The following SLC26A9 variants were observed in gnomAD, a reference collection of about 807,000 sequenced individuals.
The protein encoded by SLC26A9 is anion transporter/exchanger protein 9.
Under a neutral mutation model 87.1 loss-of-function variants are expected in SLC26A9, and 46 were observed. The observed-to-expected ratio is 0.53, with a 90% CI of 0.42 to 0.67. The LOEUF is 0.67. SLC26A9 is among the 30% of genes least tolerant of loss of function. The pLI is 0.00. For missense variants in SLC26A9, 927 were observed against 1,018.3 expected (o/e 0.91, Z 1.22); for synonymous variants, 437 against 409.1 (o/e 1.07, Z -0.82).
In SLC26A9 at chr1:205,928,009, C is replaced by T. The variant is rs1463688063; in HGVS notation, c.994G>A (p.Asp332Asn). The T allele has an allele frequency of 1.2e-6, 2 of 1,614,136 alleles. No individual in the cohort carries two copies. Among genetic ancestry groups the T allele is most frequent in the African/African-American group, 1.3e-5 (1 of 75,068 alleles). Residue 332 changes from aspartate (D) to asparagine (N), a missense_variant, in exon 9 of 21, where the codon GAC becomes AAC. Coordinates refer to ENST00000367135, the MANE Select transcript of SLC26A9 (RefSeq NM_052934.4). ...AGGGAGAAGGCTGTGCCTATCATGT[C>T]CTTCCACTGTGAGACCACAGGCGAC... ...PVSPVVSQWK[D>N]MIGTAFSLAI...
chr1:205,939,467 C>T (rs1428531139), intron 1 of SLC26A9, among the ~76,000 whole-genome samples: 2 of 152,154 alleles, frequency 1.3e-5, no homozygotes, highest in Non-Finnish European at 2.9e-5. Flanking sequence ...GCCAGAGTTG[C>T]AAATCTGCAG....
Position 205,929,925 on chromosome 1 carries a change from GA to G in SLC26A9, c.683del (p.Ile228ThrfsTer42). On this transcript the variant is annotated frameshift_variant, in exon 6 of 21. Transcript: ENST00000367135. LOFTEE classifies it high-confidence loss of function. Reference sequence around the variant, plus strand: ...TGGACCCTGGGCCTGTGTAGGAGGGGATGGTCAGTCCGAAGATGTACTTGAG... The same window carrying G: ...TGGACCCTGGGCCTGTGTAGGAGGGGTGGTCAGTCCGAAGATGTACTTGAG... ...SVLKYIFGLT[I>X]PSYTGPGSIV... 1.2e-6 allele frequency: 2 copies of G among 1,611,852 alleles called. No individual in the cohort carries two copies. Among genetic ancestry groups the G allele is most frequent in the Non-Finnish European group, 1.7e-6 (2 of 1,178,020 alleles).
intron 11 of SLC26A9, 24 bp from the exon 12 acceptor site, chr1:205,926,654 AG>A (rs773936992): frequency 6.2e-7 from 1 of 1,604,180 alleles, no homozygotes; most frequent in East Asian, 2.2e-5. Flanking sequence ...ACATTGCTCC[AG>A]GACCCCAGGG....
At chr1:205,938,780 C>G (rs570804568) in intron 1 of SLC26A9, among the ~76,000 whole-genome samples, 1 of 152,224 alleles carries the variant, frequency 6.6e-6, no homozygotes, top group Non-Finnish European at 1.5e-5. Context: ...CCTTGAAACC[C>G]TGAAGGATTT....
Position 205,917,363 on chromosome 1 carries a change from G to A in SLC26A9, c.2257-9C>T. On this transcript the variant is annotated splice_polypyrimidine_tract_variant and intron_variant, in intron 19 of 20. Coordinates refer to ENST00000367135, the MANE Select transcript of SLC26A9 (RefSeq NM_052934.4). ...TCAGCATCCCCTGGAGCCTGGAAGG[G>A]AGGAAGCCAGTGCAGAATGAGCTTC... 1.2e-6 allele frequency: 2 copies of A among 1,613,978 alleles called. No homozygotes were observed. The highest frequency in any genetic ancestry group is 1.7e-6 in the Non-Finnish European group (2 of 1,179,920).
At chr1:205,931,607 C>T (rs1402711563) in intron 5 of SLC26A9, among the ~76,000 whole-genome samples, 1 of 151,850 alleles carries the variant, frequency 6.6e-6, no homozygotes, top group Non-Finnish European at 1.5e-5. Flanking sequence ...GGTGGGACTA[C>T]AGGCGCATAC....
chr1:205,920,835 T>C (rs184438404), intron 17 of SLC26A9, among the ~76,000 whole-genome samples: 1 of 152,294 alleles, frequency 6.6e-6, no homozygotes, highest in African/African-American at 2.4e-5. Flanking sequence ...TCAGACTTCT[T>C]TGTGGCTTCA....
intron 8 of SLC26A9, among the ~76,000 whole-genome samples, chr1:205,928,543 G>T (rs1272259753): frequency 6.6e-6 from 1 of 152,212 alleles, no homozygotes; most frequent in Non-Finnish European, 1.5e-5. Flanking sequence ...GCAAGGCAAA[G>T]AGCCAGCAAG....
intron 11 of SLC26A9, 78 bp downstream of exon 11, chr1:205,927,133 G>A (rs114216376): frequency 5.4e-6 from 8 of 1,475,724 alleles, no homozygotes; most frequent in Admixed American, 3.4e-5. Context: ...TTTGTGGTCC[G>A]TAAAGTGCCA....
chr1:205,934,409 T>A (rs1659427160), intron 2 of SLC26A9, among the ~76,000 whole-genome samples: 1 of 152,136 alleles, frequency 6.6e-6, no homozygotes, highest in Non-Finnish European at 1.5e-5. Context: ...GCCGGACTTA[T>A]GAATAGAGAG....
intron 1 of SLC26A9, among the ~76,000 whole-genome samples, chr1:205,936,581 G>A (rs1040054136): frequency 5.3e-5 from 8 of 152,250 alleles, no homozygotes; most frequent in Non-Finnish European, 7.4e-5. Context: ...CCTGAGGCCC[G>A]GAGGAGTTCC....
Position 205,927,982 on chromosome 1 carries a change from C to G in SLC26A9, c.1021G>C (p.Ala341Pro), listed in dbSNP as rs375660442. 2.7e-5 allele frequency: 44 copies of G among 1,614,068 alleles called. No homozygotes were observed. The highest frequency in any genetic ancestry group is 3.3e-5 in the Non-Finnish European group (39 of 1,180,028). The change falls in exon 9 of 21, where the codon GCC becomes CCC. Residue 341 changes from alanine to proline, a missense_variant. Ala to Pro is a conservative substitution (Grantham distance 27, BLOSUM62 -1). Coordinates refer to ENST00000367135, the MANE Select transcript of SLC26A9 (RefSeq NM_052934.4). ...KDMIGTAFSL[A>P]IVSYVINLAM... ...AGGTTGATGACGTAGCTCACGATGG[C>G]TAGGGAGAAGGCTGTGCCTATCATG...
rs376962751 is a variant in SLC26A9 at position 205,921,648 on chromosome 1, G to C, written c.1973C>G (p.Pro658Arg). Residue 658 changes from proline (P) to arginine (R), a missense_variant, in exon 17 of 21, where the codon CCC (proline) becomes CGC (arginine). Transcript: ENST00000367135. ...GATGAGGGTGTGGAAGGTGACGAAG[G>C]GTGGGACGCTGGCCAGCATGTCACT... is the stretch of plus-strand genomic sequence containing the variant. The part of the protein sequence containing the change: ...EPSDMLASVP[P>R]FVTFHTLILD... 2 of 1,608,386 alleles carry C rather than the reference G, an allele frequency of 1.2e-6. No homozygotes were observed. Among genetic ancestry groups the C allele is most frequent in the Non-Finnish European group, 1.7e-6 (2 of 1,177,526 alleles).
Position 205,923,199 on chromosome 1 carries a change from C to T in SLC26A9, c.1660-4G>A, listed in dbSNP as rs369598736. ...CTTTCTGGGGGTCCATGCCTGTCTG[C>T]AGGGAGAGAGCCAACAGCAATCTTG... On this transcript the variant is annotated splice_polypyrimidine_tract_variant and splice_region_variant and intron_variant, in intron 15 of 20. Transcript: ENST00000367135. 32 of 1,613,964 alleles carry T rather than the reference C, an allele frequency of 2.0e-5. No individual in the cohort carries two copies. Among genetic ancestry groups the T allele is most frequent in the African/African-American group, 2.7e-5 (2 of 74,914 alleles).
intron 1 of SLC26A9, among the ~76,000 whole-genome samples, chr1:205,936,430 C>T (rs1259779684): frequency 6.6e-6 from 1 of 152,150 alleles, no homozygotes; most frequent in African/African-American, 2.4e-5. Context: ...GGATGGTCCA[C>T]CTGCCGGCTC....
intron 16 of SLC26A9, among the ~76,000 whole-genome samples, chr1:205,922,260 C>T (rs1424221119): frequency 6.6e-6 from 1 of 152,206 alleles, no homozygotes; most frequent in Non-Finnish European, 1.5e-5. Flanking sequence ...CCTCAGCCTC[C>T]TGAGTAGCTG....
intron 2 of SLC26A9, among the ~76,000 whole-genome samples, chr1:205,934,428 G>A (rs146777239): frequency 2.4e-4 from 36 of 152,254 alleles, no homozygotes; most frequent in Non-Finnish European, 5.0e-4. Flanking sequence ...AGCTGGCTAG[G>A]GAAAGAAAAA....
At chr1:205,932,673 C>T in intron 4 of SLC26A9, 29 bp downstream of exon 4, 1 of 1,516,996 alleles carries the variant, frequency 6.6e-7, no homozygotes, top group Non-Finnish European at 8.8e-7. Flanking sequence ...TCTGGGTCAT[C>T]CTGCCTGCCC....
intron 1 of SLC26A9, 123 bp from the exon 2 acceptor site, chr1:205,935,961 C>A: frequency 8.4e-7 from 1 of 1,193,062 alleles, no homozygotes; most frequent in Non-Finnish European, 1.1e-6. Flanking sequence ...CCCGATAAAG[C>A]AAGGTGCCTC....
Sources: allele counts gnomAD v4.1 joint callset (sites outside exome capture counted in the v4.1 genomes callset), GRCh38; gene constraint gnomAD v4.1.1; transcripts MANE v1.5; gene names NCBI Gene and HGNC (gene_info 2026-07-23, HGNC 2026-07-21).